SUPT3H: variants seen among roughly 807,000 people sequenced by gnomAD.
The protein encoded by SUPT3H is SPT3 homolog, SAGA and STAGA complex component.
In SUPT3H, 44 loss-of-function variants were observed where a neutral mutation model predicts 44.3. The observed-to-expected ratio is 0.99, with a 90% CI of 0.78 to 1.28. The LOEUF (loss-of-function observed/expected upper bound fraction) is 1.28, where lower values mean the gene tolerates loss of function less well. Ranked by LOEUF, SUPT3H falls within the 50% of genes most tolerant of loss-of-function variation. The probability of loss-of-function intolerance (pLI) is 0.00; values close to 1 mark genes in which losing one functional copy is unlikely to be tolerated. For synonymous variants in SUPT3H, 124 were observed against 125.6 expected (o/e 0.99, Z 0.09); for missense variants, 380 against 387.1 (o/e 0.98, Z 0.15).
At chr6:45,254,297 A>C (rs1772961970) in intron 2 of SUPT3H, among the ~76,000 whole-genome samples, 1 of 152,208 alleles carries the variant, frequency 6.6e-6, no homozygotes, top group Admixed American at 6.5e-5. Context: ...TAAACTTTAG[A>C]GGAGGCACAC....
At chr6:44,933,483 C>T (rs1770921291) in intron 9 of SUPT3H, among the ~76,000 whole-genome samples, 2 of 152,090 alleles carry the variant, frequency 1.3e-5, no homozygotes, top group South Asian at 4.1e-4. Flanking sequence ...TAGGGTTTAG[C>T]CCTACAAGTT....
intron 2 of SUPT3H, among the ~76,000 whole-genome samples, chr6:45,259,283 T>C (rs1229823345): frequency 6.6e-6 from 1 of 152,076 alleles, no homozygotes; most frequent in Non-Finnish European, 1.5e-5. Context: ...GAATAAGTAA[T>C]TACAAAGAAT....
intron 3 of SUPT3H, among the ~76,000 whole-genome samples, chr6:45,054,508 C>G (rs1194175907): frequency 1.3e-5 from 2 of 152,120 alleles, no homozygotes; most frequent in Non-Finnish European, 2.9e-5. Flanking sequence ...TTTCTGAAGG[C>G]TCCTGTGTCA....
intron 1 of SUPT3H, among the ~76,000 whole-genome samples, chr6:45,376,365 T>C (rs536385506): frequency 6.6e-6 from 1 of 152,240 alleles, no homozygotes; most frequent in South Asian, 2.1e-4. Context: ...ATCTAAATTG[T>C]AGCCCTGTGC....
intron 2 of SUPT3H, among the ~76,000 whole-genome samples, chr6:45,264,476 A>G (rs114290721): frequency 0.017 from 2,664 of 152,264 alleles, 50 homozygotes; most frequent in South Asian, 0.085. Context: ...CCTGGCCAAC[A>G]TGGTGAAACA....
intron 6 of SUPT3H, among the ~76,000 whole-genome samples, chr6:44,998,479 G>A (rs932366821): frequency 1.3e-4 from 19 of 151,720 alleles, no homozygotes; most frequent in African/African-American, 3.4e-4. Flanking sequence ...AAGTAATTGC[G>A]GTTTTTGCCT....
At chr6:44,867,144 G>C (rs533419537) in intron 10 of SUPT3H, among the ~76,000 whole-genome samples, 46 of 151,968 alleles carry the variant, frequency 3.0e-4, no homozygotes, top group African/African-American at 1.1e-3. Context: ...TACTTATAAA[G>C]GAAGATACAC....
chr6:44,991,329 A>C (rs1780586290), intron 6 of SUPT3H, among the ~76,000 whole-genome samples: 1 of 152,170 alleles, frequency 6.6e-6, no homozygotes, highest in African/African-American at 2.4e-5. Context: ...AGTAATAATC[A>C]TATTAATCCC....
At chr6:45,020,360 T>C (rs1329878585) in intron 4 of SUPT3H, among the ~76,000 whole-genome samples, 186 bp downstream of exon 4, 1 of 152,002 alleles carries the variant, frequency 6.6e-6, no homozygotes, top group Non-Finnish European at 1.5e-5. Flanking sequence ...TAAGTGCTTT[T>C]GTCCACATAA....
At chr6:45,117,778 C>A (rs962093310) in intron 2 of SUPT3H, among the ~76,000 whole-genome samples, 2 of 151,986 alleles carry the variant, frequency 1.3e-5, no homozygotes, top group African/African-American at 4.8e-5. Context: ...ATAATATATT[C>A]CAGTTGTACT....
At chr6:44,990,445 A>T (rs533982973) in intron 6 of SUPT3H, among the ~76,000 whole-genome samples, 1 of 152,196 alleles carries the variant, frequency 6.6e-6, no homozygotes, top group Non-Finnish European at 1.5e-5. Context: ...TGTTTTGATT[A>T]CTATAGCTTG....
intron 2 of SUPT3H, among the ~76,000 whole-genome samples, chr6:45,201,684 G>C (rs1584225700): frequency 6.6e-6 from 1 of 151,974 alleles, no homozygotes. Flanking sequence ...GAATAGGACA[G>C]AGAGAACTTC....
chr6:45,150,431 T>C (rs77536512), intron 2 of SUPT3H, among the ~76,000 whole-genome samples: 6,130 of 152,184 alleles, frequency 0.04, 175 homozygotes, highest in Non-Finnish European at 0.064. Flanking sequence ...TACACAAATA[T>C]ATAAATACTT....
chr6:45,164,455 AAATTG>A (rs1183325155), intron 2 of SUPT3H, among the ~76,000 whole-genome samples: 7 of 152,302 alleles, frequency 4.6e-5, no homozygotes, highest in African/African-American at 1.7e-4. Flanking sequence ...AGAATTACAA[AAATTG>A]ACTGTATTTA....
chr6:45,016,531 C>T lies in SUPT3H; in HGVS notation c.274-1640G>A, dbSNP rs547451673. On this transcript the variant is annotated intron_variant, in intron 4 of 10. Coordinates refer to ENST00000371459, the MANE Select transcript of SUPT3H (RefSeq NM_003599.4). ...ACAACAGTCCCCAGAGTGTGATGTT[C>T]CCCTTACTGTGTCCATGTGTTCTCA... 2.5e-3 allele frequency among the ~76,000 whole-genome samples: 307 copies of T among 124,776 alleles called. 1 individual carries two copies. Among genetic ancestry groups the T allele is most frequent in the Non-Finnish European group, 4.0e-3 (250 of 62,758 alleles). 81.9% of individuals were successfully genotyped at this position (124,776 alleles called of 152,430 possible).
chr6:45,172,130 T>C (rs1316996437), intron 2 of SUPT3H, among the ~76,000 whole-genome samples: 2 of 151,164 alleles, frequency 1.3e-5, no homozygotes, highest in Non-Finnish European at 2.9e-5. Flanking sequence ...TGGAGTGCAG[T>C]GGCGCGATCT....
intron 2 of SUPT3H, among the ~76,000 whole-genome samples, chr6:45,133,340 C>A (rs898393210): frequency 4.6e-5 from 7 of 152,170 alleles, no homozygotes; most frequent in African/African-American, 1.7e-4. Context: ...CCTTCCCCAG[C>A]AGAACTGTTC....
At chr6:45,037,404 T>A (rs1787833987) in intron 3 of SUPT3H, among the ~76,000 whole-genome samples, 3 of 151,690 alleles carry the variant, frequency 2.0e-5, no homozygotes, top group South Asian at 4.2e-4. Flanking sequence ...ATCCCAGCAC[T>A]TTGGGAGGCT....
At chr6:45,042,807 C>T (rs1583217894) in intron 3 of SUPT3H, among the ~76,000 whole-genome samples, 1 of 56,484 alleles carries the variant, frequency 1.8e-5, no homozygotes, top group Non-Finnish European at 3.3e-5. Flanking sequence ...TGTATGTTTA[C>T]TGCAGCACTA....
Sources: gnomAD v4.1 joint callset for allele counts (sites outside exome capture counted in the v4.1 genomes callset) on GRCh38, gnomAD v4.1.1 for gene constraint, MANE v1.5 for transcripts, NCBI Gene and HGNC (gene_info 2026-07-23, HGNC 2026-07-21) for gene names.